B2M: variants seen among roughly 807,000 people sequenced by gnomAD.
B2M encodes beta-2-microglobulin.
B2M carries 3 observed loss-of-function variants against 14.5 expected under a neutral mutation model. That is an observed-to-expected ratio of 0.21 (90% CI 0.09 to 0.53). The LOEUF is 0.53. B2M is among the 20% of genes least tolerant of loss of function. The pLI, the probability that B2M is intolerant of heterozygous loss-of-function variation, is 0.95. For synonymous variants in B2M, 45 were observed against 52.7 expected, an observed-to-expected ratio of 0.85 and a Z score of 0.64; for missense variants, 107 against 140.8, an observed-to-expected ratio of 0.76 and a Z score of 1.21.
At chr15:44,712,165 G>A (rs866391144) in intron 1 of B2M, 7 of 237,658 alleles carry the variant, frequency 2.9e-5, no homozygotes, top group Middle Eastern at 1.6e-3. Context: ...TAGCACCTCT[G>A]GGTCTATGTG....
rs753941742 is a variant in B2M at position 44,715,603 on chromosome 15, A to G, written c.248A>G (p.Tyr83Cys). The G allele has an allele frequency of 2.5e-6, 4 of 1,614,068 alleles. No homozygotes were observed. Among genetic ancestry groups the G allele is most frequent in the African/African-American group, 1.3e-5 (1 of 74,918 alleles). The change falls in exon 2 of 4, where the codon TAT becomes TGT. Residue 83 changes from tyrosine to cysteine, a missense_variant. Coordinates refer to ENST00000648006, the MANE Select transcript of B2M (RefSeq NM_004048.4). ...TCTTTCAGCAAGGACTGGTCTTTCT[A>G]TCTCTTGTACTACACTGAATTCACC... Reference protein sequence around the residue: ...DLSFSKDWSFYLLYYTEFTPT... With the variant: ...DLSFSKDWSFCLLYYTEFTPT...
At chr15:44,715,189 A>C in intron 1 of B2M, 3 of 591,578 alleles carry the variant, frequency 5.1e-6, no homozygotes, top group Non-Finnish European at 9.0e-6. Flanking sequence ...GAAAAAAAAC[A>C]AAAAAGGCAT....
chr15:44,716,430 T>C, intron 3 of B2M, 74 bp downstream of exon 3: 1 of 1,393,056 alleles, frequency 7.2e-7, no homozygotes, highest in East Asian at 2.3e-5. Context: ...TCTAACATGA[T>C]AACCCTCACT....
At chr15:44,716,133 C>T in intron 2 of B2M, 196 bp from the exon 3 acceptor site, 1 of 650,086 alleles carries the variant, frequency 1.5e-6, no homozygotes, top group Non-Finnish European at 2.7e-6. Context: ...CCAGTACTTT[C>T]TGGCTGGATT....
At chr15:44,716,430 TA>T in intron 3 of B2M, 74 bp downstream of exon 3, 1 of 1,393,056 alleles carries the variant, frequency 7.2e-7, no homozygotes, top group Non-Finnish European at 1.0e-6. Flanking sequence ...TCTAACATGA[TA>T]ACCCTCACTA....
chr15:44,711,854 T>C (rs543001925), intron 1 of B2M: 2 of 628,410 alleles, frequency 3.2e-6, no homozygotes, highest in East Asian at 5.5e-5. Flanking sequence ...GGGAGACCTT[T>C]GGCCTACGGC....
At chr15:44,716,196 T>C (rs138763809) in intron 2 of B2M, 133 bp from the exon 3 acceptor site, 5 of 1,035,834 alleles carry the variant, frequency 4.8e-6, no homozygotes, top group African/African-American at 1.6e-5. Flanking sequence ...CTCTAAACAA[T>C]GTATTCATGG....
At chr15:44,715,321 G>A (rs900977326) in intron 1 of B2M, 102 bp from the exon 2 acceptor site, 3 of 1,369,184 alleles carry the variant, frequency 2.2e-6, no homozygotes, top group Admixed American at 3.4e-5. Flanking sequence ...AGAAATCGAT[G>A]ACCAAATGTA....
Position 44,711,545 on chromosome 15 carries a change from A to G in B2M, c.-2A>G. 1 of 1,613,802 alleles carries G rather than the reference A, an allele frequency of 6.2e-7. No homozygotes were observed. Among genetic ancestry groups the G allele is most frequent in the Non-Finnish European group, 8.5e-7 (1 of 1,180,006 alleles). On this transcript the variant is annotated 5_prime_UTR_variant, in exon 1 of 4. Coordinates refer to ENST00000648006, the MANE Select transcript of B2M (RefSeq NM_004048.4). ...CCTGAAGCTGACAGCATTCGGGCCG[A>G]GATGTCTCGCTCCGTGGCCTTAGCT...
chr15:44,714,720 T>C (rs1354506141), intron 1 of B2M: 1 of 152,726 alleles, frequency 6.5e-6, no homozygotes, highest in African/African-American at 2.4e-5. Flanking sequence ...GCCTGGGCAA[T>C]GGAATGAGAT....
At chr15:44,711,744 T>C in intron 1 of B2M, 131 bp downstream of exon 1, 2 of 1,201,640 alleles carry the variant, frequency 1.7e-6, no homozygotes, top group Non-Finnish European at 2.4e-6. Context: ...GTGGGGCTAG[T>C]CCAGGGCTGG....
intron 1 of B2M, chr15:44,714,915 AAG>A: frequency 9.5e-6 from 2 of 209,716 alleles, no homozygotes. Context: ...AGGAACCAAA[AAG>A]AAAGGCATAA....
Position 44,717,973 on chromosome 15 carries a change from G to A in B2M, c.*381G>A, listed in dbSNP as rs1273321358. On this transcript the variant is annotated 3_prime_UTR_variant, in exon 4 of 4. Transcript: ENST00000648006. ...ATTTACATACTCTGCTTAGAATTTG[G>A]GGGAAAATTTAGAAATATAATTGAC... 6.6e-6 allele frequency: 1 copy of A among 152,084 alleles called. No individual in the cohort carries two copies. Among genetic ancestry groups the A allele is most frequent in the African/African-American group, 2.4e-5 (1 of 41,400 alleles). 9.4% of individuals were successfully genotyped at this position (152,084 alleles called of 1,614,324 possible).
chr15:44,716,449 A>G, intron 3 of B2M, 93 bp downstream of exon 3: 3 of 1,291,664 alleles, frequency 2.3e-6, no homozygotes, highest in Non-Finnish European at 3.4e-6. Flanking sequence ...CTATGTGGAG[A>G]ACATTGACAG....
intron 3 of B2M, chr15:44,716,595 G>A: frequency 5.3e-6 from 3 of 568,006 alleles, no homozygotes; most frequent in Non-Finnish European, 9.4e-6. Flanking sequence ...GGAACTGCCA[G>A]TATGGTATTG....
intron 1 of B2M, chr15:44,713,704 G>C (rs192765862): frequency 1.3e-5 from 2 of 152,288 alleles, no homozygotes; most frequent in Admixed American, 6.5e-5. Context: ...TCTGTGCTCT[G>C]ATCCCTGAGG....
intron 1 of B2M, chr15:44,712,073 T>TA: frequency 3.1e-6 from 1 of 325,466 alleles, no homozygotes; most frequent in Admixed American, 4.1e-5. Flanking sequence ...GTCGCCCGGG[T>TA]AAGCCTGTCT....
chr15:44,712,992 CAAAAAAGAAAAAAAAA>C, intron 1 of B2M: 1 of 99,630 alleles, frequency 1.0e-5, no homozygotes, highest in East Asian at 3.0e-4. Flanking sequence ...CCCTGTCTCT[CAAAAAAGAAAAAAAAA>C]AAAAAAGAAA....
Position 44,717,755 on chromosome 15 carries a change from T to C in B2M, c.*163T>C, listed in dbSNP as rs1322830953. On this transcript the variant is annotated 3_prime_UTR_variant, in exon 4 of 4. Coordinates refer to ENST00000648006, the MANE Select transcript of B2M (RefSeq NM_004048.4). ...GACATGATCTTCTTTATAATTCTAC[T>C]TTGAGTGCTGTCTCCATGTTTGATG... The C allele has an allele frequency of 6.6e-6, 1 of 152,250 alleles. No individual in the cohort carries two copies. The highest frequency in any genetic ancestry group is 1.5e-5 in the Non-Finnish European group (1 of 68,066). The allele number at this position is 152,250 out of a possible 1,614,324, so 9.4% of individuals were successfully genotyped here.
Sources: gnomAD v4.1 joint callset for allele counts on GRCh38, gnomAD v4.1.1 for gene constraint, MANE v1.5 for transcripts, NCBI Gene and HGNC (gene_info 2026-07-23, HGNC 2026-07-21) for gene names.